CACNB2: variants seen among roughly 807,000 people sequenced by gnomAD.
The protein encoded by CACNB2 is voltage-dependent L-type calcium channel subunit beta-2.
A neutral mutation model predicts 73.3 loss-of-function variants in CACNB2; 42 were observed. The ratio of observed to expected loss-of-function variants is 0.57; its 90% CI spans 0.45 to 0.74. CACNB2 has a LOEUF of 0.74. Ranked by LOEUF, CACNB2 falls within the 30% of genes least tolerant of loss-of-function variation. The pLI is 0.00. For synonymous variants in CACNB2, 348 were observed against 310.3 expected (o/e 1.12, Z -1.28); for missense variants, 940 against 853.0 (o/e 1.10, Z -1.27).
At chr10:18,208,291 A>T (rs959152060) in intron 2 of CACNB2, among the ~76,000 whole-genome samples, 1 of 152,102 alleles carries the variant, frequency 6.6e-6, no homozygotes, top group Non-Finnish European at 1.5e-5. Context: ...ACACAGTGAG[A>T]CCCTATCTGT....
intron 3 of CACNB2, among the ~76,000 whole-genome samples, chr10:18,485,602 C>G (rs1207163482): frequency 6.8e-6 from 1 of 147,966 alleles, no homozygotes; most frequent in South Asian, 2.2e-4. Context: ...CATTGTGTCG[C>G]CCAGGCTGGA....
intron 3 of CACNB2, among the ~76,000 whole-genome samples, chr10:18,483,576 A>G (rs917796721): frequency 2.6e-5 from 4 of 151,988 alleles, no homozygotes; most frequent in African/African-American, 9.7e-5. Context: ...AAACATGAGT[A>G]TAAAATAAAT....
intron 2 of CACNB2, among the ~76,000 whole-genome samples, chr10:18,176,799 G>T (rs946774887): frequency 1.3e-5 from 2 of 151,876 alleles, no homozygotes; most frequent in Non-Finnish European, 2.9e-5. Flanking sequence ...GGGTGGGCAG[G>T]CATGGTTCAG....
intron 2 of CACNB2, among the ~76,000 whole-genome samples, chr10:18,335,935 A>G (rs1310626062): frequency 1.0e-5 from 1 of 98,978 alleles, no homozygotes; most frequent in Non-Finnish European, 2.1e-5. Context: ...TTCAAACCTC[A>G]GTTGCTTTGG....
chr10:18,251,243 C>CT (rs373174984), intron 2 of CACNB2, among the ~76,000 whole-genome samples: 3,276 of 147,084 alleles, frequency 0.022, 51 homozygotes, highest in Middle Eastern at 0.038. Context: ...TCTCTCGGCT[C>CT]TTTTTTTTTT....
rs573937344 is a variant in CACNB2 at position 18,200,100 on chromosome 10, C to G, written c.213+49125C>G. Reference sequence around the variant, plus strand: ...TAAAAATCAAACAGACATCCTTGAACAGTGGACATTTTAAAACATTGTTCC... The same window carrying G: ...TAAAAATCAAACAGACATCCTTGAAGAGTGGACATTTTAAAACATTGTTCC... On this transcript the variant is annotated intron_variant, in intron 2 of 13. Transcript: ENST00000324631. Among the ~76,000 whole-genome samples, 42 of 152,044 alleles carry G rather than the reference C, an allele frequency of 2.8e-4. 1 individual carries two copies. In the South Asian group the frequency reaches 2.9e-3, roughly 11 times the overall value.
intron 3 of CACNB2, among the ~76,000 whole-genome samples, chr10:18,450,437 T>C (rs16917375): frequency 0.03 from 4,530 of 152,128 alleles, 88 homozygotes; most frequent in East Asian, 0.099. Flanking sequence ...TGGTGAATAA[T>C]GTCGAAACAG....
In CACNB2 at chr10:18,515,177, G is replaced by T; in HGVS notation, c.804+808G>T. The T allele has an allele frequency of 2.7e-6, 2 of 728,232 alleles. 1 individual carries two copies. The highest frequency in any genetic ancestry group is 3.0e-5 in the South Asian group (2 of 67,728). 45.1% of individuals were successfully genotyped at this position (728,232 alleles called of 1,614,324 possible). Reference sequence around the variant, plus strand: ...AGAGCCTTTGCCATTGGCCATCCAAGATGCTACACAGCGAGGCTCCTTGTC... The same window carrying T: ...AGAGCCTTTGCCATTGGCCATCCAATATGCTACACAGCGAGGCTCCTTGTC... On this transcript the variant is annotated intron_variant, in intron 7 of 13. Transcript: ENST00000324631.
chr10:18,202,584 A>G (rs944690739), intron 2 of CACNB2, among the ~76,000 whole-genome samples: 1 of 152,230 alleles, frequency 6.6e-6, no homozygotes, highest in African/African-American at 2.4e-5. Context: ...GGGCTTAAGC[A>G]AATTAGAGAT....
intron 2 of CACNB2, among the ~76,000 whole-genome samples, chr10:18,395,905 G>T (rs2043691967): frequency 6.6e-6 from 1 of 152,168 alleles, no homozygotes; most frequent in Non-Finnish European, 1.5e-5. Context: ...GGCACGCTAT[G>T]TCATTTTTCA....
At chr10:18,444,281 G>A (rs549516702) in intron 3 of CACNB2, among the ~76,000 whole-genome samples, 4 of 152,164 alleles carry the variant, frequency 2.6e-5, no homozygotes, top group Non-Finnish European at 5.9e-5. Context: ...AGGATGCAGA[G>A]AGAAGGTGTC....
chr10:18,508,688 C>T (rs2050614888), intron 6 of CACNB2, among the ~76,000 whole-genome samples: 2 of 152,120 alleles, frequency 1.3e-5, no homozygotes, highest in African/African-American at 4.8e-5. Context: ...TTCACTAAAC[C>T]CATCATAAAT....
chr10:18,476,424 C>T (rs11014423), intron 3 of CACNB2, among the ~76,000 whole-genome samples: 6,899 of 152,128 alleles, frequency 0.045, 250 homozygotes, highest in African/African-American at 0.1. Context: ...CTCAAGAGCC[C>T]GGTTACAGAA....
At position 18,447,605 on chromosome 10, in the gene CACNB2, G is replaced by A. The variant is rs146669242; in HGVS notation, c.333+45562G>A. Among the ~76,000 whole-genome samples, 337 of 152,124 alleles carry A rather than the reference G, an allele frequency of 2.2e-3. 1 individual carries two copies. Among genetic ancestry groups the A allele is most frequent in the African/African-American group, 7.4e-3 (309 of 41,504 alleles). Reference sequence around the variant, plus strand: ...CGTCAAATGCTGCAGAGAGAGGAGTGGGGGAGCTTTAAAGTTTGGAAAATA... The same window carrying A: ...CGTCAAATGCTGCAGAGAGAGGAGTAGGGGAGCTTTAAAGTTTGGAAAATA... On this transcript the variant is annotated intron_variant, in intron 3 of 13. Coordinates refer to ENST00000324631, the MANE Select transcript of CACNB2 (RefSeq NM_201596.3).
intron 3 of CACNB2, among the ~76,000 whole-genome samples, chr10:18,411,727 C>T (rs760618851): frequency 8.5e-5 from 13 of 152,056 alleles, no homozygotes; most frequent in Admixed American, 4.6e-4. Context: ...AGGCTGTTCT[C>T]GAACTCCTGA....
intron 2 of CACNB2, among the ~76,000 whole-genome samples, chr10:18,179,857 TCCCTTACTAG>T (rs2033787162): frequency 6.6e-6 from 1 of 152,206 alleles, no homozygotes; most frequent in Non-Finnish European, 1.5e-5. Context: ...ATTTTACCTT[TCCCTTACTAG>T]CAGAATTCCA....
intron 6 of CACNB2, among the ~76,000 whole-genome samples, chr10:18,513,856 T>C (rs1365970241): frequency 6.6e-6 from 1 of 152,228 alleles, no homozygotes; most frequent in African/African-American, 2.4e-5. Context: ...AGTAGTTGTT[T>C]GTTATCTCAA....
chr10:18,246,443 C>G (rs1298516154), intron 2 of CACNB2, among the ~76,000 whole-genome samples: 1 of 152,166 alleles, frequency 6.6e-6, no homozygotes, highest in Non-Finnish European at 1.5e-5. Flanking sequence ...TCTACTTCCT[C>G]TGTTACATAA....
chr10:18,512,318 C>T (rs951427280), intron 6 of CACNB2, among the ~76,000 whole-genome samples: 1 of 152,156 alleles, frequency 6.6e-6, no homozygotes, highest in Non-Finnish European at 1.5e-5. Context: ...AGATTTCACT[C>T]GGATATCTTG....
Sources: gnomAD v4.1 joint callset for allele counts (sites outside exome capture counted in the v4.1 genomes callset) on GRCh38, gnomAD v4.1.1 for gene constraint, MANE v1.5 for transcripts, NCBI Gene and HGNC (gene_info 2026-07-23, HGNC 2026-07-21) for gene names.